Variants in EDDM13 observed in about 807,000 individuals in gnomAD.
EDDM13 encodes the protein epididymal protein 13.
A neutral mutation model predicts 17.8 loss-of-function variants in EDDM13; 24 were observed. The ratio of observed to expected loss-of-function variants is 1.35; its 90% CI spans 0.98 to 1.90. The LOEUF is 1.90. EDDM13 is among the 40% of genes most tolerant of loss of function. The pLI, the probability that EDDM13 is intolerant of heterozygous loss-of-function variation, is 0.00. For synonymous variants in EDDM13, 31 were observed against 37.5 expected (o/e 0.83, Z 0.63); for missense variants, 97 against 100.8 (o/e 0.96, Z 0.16).
intron 9 of EDDM13, among the ~76,000 whole-genome samples, chr19:56,293,168 T>C (rs1461185854): frequency 6.6e-6 from 1 of 152,128 alleles, no homozygotes; most frequent in South Asian, 2.1e-4. Context: ...AAAAATGGTA[T>C]CCTGCAGCTC....
intron 2 of EDDM13, among the ~76,000 whole-genome samples, chr19:56,280,351 CTAA>C (rs1163632675): frequency 6.6e-6 from 1 of 152,134 alleles, no homozygotes; most frequent in African/African-American, 2.4e-5. Flanking sequence ...CAGTCACATA[CTAA>C]TGGCCACTCA....
intron 6 of EDDM13, among the ~76,000 whole-genome samples, chr19:56,285,960 A>C (rs562061741): frequency 1.3e-5 from 2 of 152,320 alleles, no homozygotes; most frequent in South Asian, 4.1e-4. Flanking sequence ...TTGCATCTTC[A>C]TATACAGCCT....
chr19:56,285,355 C>T (rs1176860325), intron 6 of EDDM13, among the ~76,000 whole-genome samples: 1 of 152,202 alleles, frequency 6.6e-6, no homozygotes, highest in Non-Finnish European at 1.5e-5. Context: ...GAAGCAAGCA[C>T]CATTTCTAGT....
intron 14 of EDDM13, among the ~76,000 whole-genome samples, chr19:56,309,534 G>A (rs529918733): frequency 1.9e-4 from 29 of 152,328 alleles, no homozygotes; most frequent in African/African-American, 9.6e-5. Flanking sequence ...TTGGCCCTGC[G>A]GAACACAGTT....
intron 8 of EDDM13, among the ~76,000 whole-genome samples, chr19:56,290,629 T>C (rs1171576959): frequency 1.3e-5 from 2 of 152,214 alleles, no homozygotes; most frequent in East Asian, 3.9e-4. Flanking sequence ...GAGGCTGTGG[T>C]GGGAGGAAGG....
chr19:56,298,882 C>T (rs966626702), intron 12 of EDDM13, among the ~76,000 whole-genome samples: 3 of 152,096 alleles, frequency 2.0e-5, no homozygotes, highest in Non-Finnish European at 4.4e-5. Flanking sequence ...CTGACAAATA[C>T]GACAAAGGAA....
chr19:56,304,466 A>G (rs1402708259), intron 13 of EDDM13, among the ~76,000 whole-genome samples: 2 of 152,334 alleles, frequency 1.3e-5, no homozygotes, highest in East Asian at 3.9e-4. Context: ...TCAACCTGCC[A>G]TACGGCCCAG....
At chr19:56,308,633 C>A (rs532538109) in intron 14 of EDDM13, among the ~76,000 whole-genome samples, 1 of 150,044 alleles carries the variant, frequency 6.7e-6, no homozygotes, top group African/African-American at 2.4e-5. Flanking sequence ...CATATTAAAT[C>A]ATTTCTGATT....
chr19:56,291,060 G>C (rs1034136024), intron 9 of EDDM13, among the ~76,000 whole-genome samples: 63 of 152,180 alleles, frequency 4.1e-4, no homozygotes, highest in African/African-American at 1.5e-3. Context: ...GTGTGTCTGG[G>C]ATACGGTGGG....
chr19:56,291,963 C>T (rs1285863478), intron 9 of EDDM13, among the ~76,000 whole-genome samples: 3 of 152,130 alleles, frequency 2.0e-5, no homozygotes, highest in Non-Finnish European at 4.4e-5. Context: ...TAGTTATTCC[C>T]CACAACTTCT....
chr19:56,273,582 C>G (rs1454834151), intron 1 of EDDM13, among the ~76,000 whole-genome samples: 1 of 152,100 alleles, frequency 6.6e-6, no homozygotes, highest in African/African-American at 2.4e-5. Flanking sequence ...AGCTGGCCAG[C>G]TGAAGAGTTA....
chr19:56,285,100 T>C (rs2039005979), intron 6 of EDDM13, 76 bp downstream of exon 6: 2 of 781,554 alleles, frequency 2.6e-6, no homozygotes, highest in African/African-American at 3.8e-5. Flanking sequence ...TTGAGTCATT[T>C]ATGCTTTTAG....
At chr19:56,308,750 C>T (rs1319681173) in intron 14 of EDDM13, among the ~76,000 whole-genome samples, 2 of 152,124 alleles carry the variant, frequency 1.3e-5, no homozygotes, top group African/African-American at 4.8e-5. Context: ...TCAAGATTCA[C>T]CTAAGCAATG....
chr19:56,307,358 G>A (rs1243562892), intron 14 of EDDM13, among the ~76,000 whole-genome samples: 1 of 152,098 alleles, frequency 6.6e-6, no homozygotes, highest in Non-Finnish European at 1.5e-5. Context: ...CACCAACTAT[G>A]ATGAGTGTCT....
chr19:56,278,469 T>C (rs955066021), intron 2 of EDDM13, among the ~76,000 whole-genome samples: 1 of 152,228 alleles, frequency 6.6e-6, no homozygotes, highest in Non-Finnish European at 1.5e-5. Flanking sequence ...AATGAAAATC[T>C]AATCTCACAC....
intron 12 of EDDM13, among the ~76,000 whole-genome samples, chr19:56,299,663 G>T (rs115630922): frequency 0.01 from 1,579 of 152,258 alleles, 37 homozygotes; most frequent in African/African-American, 0.036. Flanking sequence ...TTTAACCTAT[G>T]AACAGCCTCC....
At chr19:56,302,581 C>CCGTTCCTCCCTCCCTCCCCCTCTT (rs1555807487) in intron 13 of EDDM13, among the ~76,000 whole-genome samples, 2 of 40,022 alleles carry the variant, frequency 5.0e-5, no homozygotes, top group African/African-American at 3.5e-4. Context: ...TTCTTCCTCC[C>CCGTTCCTCCCTCCCTCCCCCTCTT]CCTTTTCTTC....
chr19:56,275,116 G>A (rs748837102), intron 1 of EDDM13, among the ~76,000 whole-genome samples: 11 of 152,258 alleles, frequency 7.2e-5, no homozygotes, highest in Middle Eastern at 6.8e-3. Context: ...TTAGTCCCTC[G>A]GCTAAGGTGG....
At chr19:56,292,035 A>G (rs1184208982) in intron 9 of EDDM13, among the ~76,000 whole-genome samples, 1 of 152,180 alleles carries the variant, frequency 6.6e-6, no homozygotes, top group Non-Finnish European at 1.5e-5. Context: ...TAACTAGATC[A>G]AGACTGGGCA....
Sources: allele counts gnomAD v4.1 joint callset (sites outside exome capture counted in the v4.1 genomes callset), GRCh38; gene constraint gnomAD v4.1.1; transcripts MANE v1.5; gene names NCBI Gene and HGNC (gene_info 2026-07-23, HGNC 2026-07-21).